The following GREB1L variants were observed in gnomAD, a reference collection of about 807,000 sequenced individuals.
The protein encoded by GREB1L is GREB1 like retinoic acid receptor coactivator, also known as GREB1-like protein.
GREB1L carries 17 observed loss-of-function variants against 200.8 expected under a neutral mutation model. That is an observed-to-expected ratio of 0.08 (90% CI 0.06 to 0.13). GREB1L has a LOEUF of 0.13. Ranked by LOEUF, GREB1L falls within the 10% of genes least tolerant of loss-of-function variation. The pLI is 1.00. For missense variants in GREB1L, 1,657 were observed against 2,367.7 expected, an observed-to-expected ratio of 0.70 and a Z score of 6.23; for synonymous variants, 789 against 893.0, an observed-to-expected ratio of 0.88 and a Z score of 2.08.
intron 1 of GREB1L, among the ~76,000 whole-genome samples, chr18:21,310,867 AT>A (rs2038779191): frequency 6.6e-6 from 1 of 152,172 alleles, no homozygotes; most frequent in Admixed American, 6.6e-5. Context: ...AGAGTTAAAC[AT>A]TTTTTCTTCC....
chr18:21,245,391 A>G (rs1376283403), intron 1 of GREB1L, among the ~76,000 whole-genome samples: 1 of 152,224 alleles, frequency 6.6e-6, no homozygotes, highest in East Asian at 1.9e-4. Flanking sequence ...ACTTAGAGTA[A>G]TATTGATTGA....
chr18:21,512,307 T>C lies in GREB1L; in HGVS notation c.4736-1514T>C, dbSNP rs2146063528. On this transcript the variant is annotated intron_variant, in intron 27 of 32. Coordinates refer to ENST00000424526, the MANE Select transcript of GREB1L (RefSeq NM_001142966.3). Reference sequence around the variant, plus strand: ...TGATATCTAATATCAAGTCTTCCAATCCATAAACACAGGATGTCTTTCCAT... The same window carrying C: ...TGATATCTAATATCAAGTCTTCCAACCCATAAACACAGGATGTCTTTCCAT... Among the ~76,000 whole-genome samples the C allele has an allele frequency of 1.3e-5, 2 of 152,338 alleles. 1 individual carries two copies. The highest frequency in any genetic ancestry group is 3.9e-4 in the East Asian group (2 of 5,194).
rs187437221 is a variant in GREB1L at position 21,488,511 on chromosome 18, T to C, written c.2691-1501T>C. On this transcript the variant is annotated intron_variant, in intron 18 of 32. Coordinates refer to ENST00000424526, the MANE Select transcript of GREB1L (RefSeq NM_001142966.3). ...ACAAAGGTGAAATCCCCCATTAGCCTACCCAGCTGCTGGTGGCTGCATTGC... is the reference window on the plus strand; with the variant it reads ...ACAAAGGTGAAATCCCCCATTAGCCCACCCAGCTGCTGGTGGCTGCATTGC... Among the ~76,000 whole-genome samples, 168 of 152,268 alleles carry C rather than the reference T, an allele frequency of 1.1e-3. 2 individuals carry two copies. The highest frequency in any genetic ancestry group is 3.8e-3 in the African/African-American group (159 of 41,558).
intron 1 of GREB1L, among the ~76,000 whole-genome samples, chr18:21,347,143 TG>T (rs1471965013): frequency 2.8e-4 from 43 of 151,956 alleles, no homozygotes; most frequent in African/African-American, 1.0e-3. Context: ...CTGGGCGTGG[TG>T]GTGGGTGCCT....
At chr18:21,335,894 ACCTCGTGAT>A (rs758803694) in intron 1 of GREB1L, among the ~76,000 whole-genome samples, 6 of 151,796 alleles carry the variant, frequency 4.0e-5, no homozygotes, top group Non-Finnish European at 5.9e-5. Context: ...CGATCTCCTG[ACCTCGTGAT>A]CCACCTTCCT....
rs370250478 is a variant in GREB1L, at chr18:21,492,173, T to C, written c.3030+1822T>C. Among the ~76,000 whole-genome samples the C allele has an allele frequency of 3.0e-3, 461 of 151,906 alleles. 6 individuals carry two copies. The East Asian group carries it at 0.042, about 14-fold the overall frequency. On this transcript the variant is annotated intron_variant, in intron 19 of 32. Coordinates refer to ENST00000424526, the MANE Select transcript of GREB1L (RefSeq NM_001142966.3). ...CACCCTGGCTAACACGGTGAAACCC[T>C]GTCTCTACTAAAAATACAAAAAATT...
chr18:21,494,655 G>A (rs2036474920), intron 19 of GREB1L, among the ~76,000 whole-genome samples: 1 of 151,892 alleles, frequency 6.6e-6, no homozygotes, highest in African/African-American at 2.4e-5. Context: ...TTAACACCTT[G>A]CTTCTTAGTC....
At chr18:21,281,381 C>G (rs1274252455) in intron 1 of GREB1L, among the ~76,000 whole-genome samples, 1 of 152,156 alleles carries the variant, frequency 6.6e-6, no homozygotes, top group Non-Finnish European at 1.5e-5. Context: ...TCATTTACTT[C>G]TGTCTTTTGT....
In GREB1L at chr18:21,524,493, T is replaced by A. The variant is rs1676764799; in HGVS notation, c.*1672T>A. On this transcript the variant is annotated 3_prime_UTR_variant, in exon 33 of 33. Transcript: ENST00000424526. ...AGAATTTTTGGTAAAGAGGTATGTT[T>A]TGAAGCAATTTGGTTTAAATATGAA... The A allele has an allele frequency of 6.6e-6, 1 of 152,226 alleles. No individual in the cohort carries two copies. Among genetic ancestry groups the A allele is most frequent in the Admixed American group, 6.5e-5 (1 of 15,284 alleles). The allele number at this position is 152,226 out of a possible 1,614,324, so 9.4% of individuals were successfully genotyped here.
chr18:21,505,986 A>G (rs1181464401), intron 25 of GREB1L, 37 bp downstream of exon 25: 3 of 1,531,688 alleles, frequency 2.0e-6, no homozygotes, highest in Non-Finnish European at 2.6e-6. Flanking sequence ...TCTGTCACCC[A>G]GTATGGATTT....
At chr18:21,391,182 GCT>G (rs1055355397) in intron 4 of GREB1L, among the ~76,000 whole-genome samples, 3 of 152,162 alleles carry the variant, frequency 2.0e-5, no homozygotes, top group East Asian at 1.9e-4. Flanking sequence ...AGTCCTGCAA[GCT>G]CTGTTTTAAG....
chr18:21,483,340 C>G (rs1053797352), intron 17 of GREB1L, among the ~76,000 whole-genome samples: 1 of 152,202 alleles, frequency 6.6e-6, no homozygotes, highest in Non-Finnish European at 1.5e-5. Flanking sequence ...GACTCTGTGT[C>G]TGCAGTCCAG....
At chr18:21,511,392 C>T (rs1399034990) in intron 27 of GREB1L, among the ~76,000 whole-genome samples, 2 of 152,046 alleles carry the variant, frequency 1.3e-5, no homozygotes, top group Non-Finnish European at 2.9e-5. Flanking sequence ...TCTCCCATTC[C>T]ATGGATTGCC....
At chr18:21,349,560 G>A (rs368933838) in intron 1 of GREB1L, among the ~76,000 whole-genome samples, 10 of 152,236 alleles carry the variant, frequency 6.6e-5, no homozygotes, top group African/African-American at 1.2e-4. Context: ...GTTGTGAGCC[G>A]TGGGCAAGCG....
chr18:21,345,003 C>T (rs1346429945), intron 1 of GREB1L, among the ~76,000 whole-genome samples: 1 of 152,166 alleles, frequency 6.6e-6, no homozygotes, highest in East Asian at 1.9e-4. Flanking sequence ...ATTCCACTCT[C>T]TTCAAGCCTG....
In GREB1L at chr18:21,326,269, T is replaced by C. The variant is rs181277342; in HGVS notation, c.-119-39758T>C. On this transcript the variant is annotated intron_variant, in intron 1 of 32. Transcript: ENST00000424526. ...CATGCAAAAACAAAAAAAAAGTTCA[T>C]ATAGAAAAAAATGTTAAAAGGAGTT... Among the ~76,000 whole-genome samples, 14 of 152,204 alleles carry C rather than the reference T, an allele frequency of 9.2e-5. No homozygotes were observed. The East Asian group carries it at 1.7e-3, about 19-fold the overall frequency.
At chr18:21,510,657 T>C (rs1169668724) in intron 27 of GREB1L, among the ~76,000 whole-genome samples, 5 of 152,354 alleles carry the variant, frequency 3.3e-5, no homozygotes, top group East Asian at 1.9e-4. Flanking sequence ...AACACAGGTA[T>C]ACAAATATCT....
At chr18:21,390,748 G>A (rs1208219522) in intron 4 of GREB1L, among the ~76,000 whole-genome samples, 1 of 152,066 alleles carries the variant, frequency 6.6e-6, no homozygotes, top group African/African-American at 2.4e-5. Context: ...TATTGGCCAG[G>A]ATGGTCTCAA....
At chr18:21,378,986 C>T (rs1357409544) in intron 2 of GREB1L, among the ~76,000 whole-genome samples, 1 of 150,850 alleles carries the variant, frequency 6.6e-6, no homozygotes, top group African/African-American at 2.4e-5. Context: ...CCTCCCTCCT[C>T]AGTCTTCCAA....
Sources: gnomAD v4.1 joint callset for allele counts (sites outside exome capture counted in the v4.1 genomes callset) on GRCh38, gnomAD v4.1.1 for gene constraint, MANE v1.5 for transcripts, NCBI Gene and HGNC (gene_info 2026-07-23, HGNC 2026-07-21) for gene names.